ADK: variants seen among roughly 807,000 people sequenced by gnomAD.
ADK encodes the protein N6,N6-dimethyladenosine kinase.
A neutral mutation model predicts 44.7 loss-of-function variants in ADK; 24 were observed. The ratio of observed to expected loss-of-function variants is 0.54; its 90% confidence interval spans 0.39 to 0.76. ADK has a LOEUF of 0.76. Ranked by LOEUF, ADK falls within the 30% of genes least tolerant of loss-of-function variation. The probability of loss-of-function intolerance (pLI) is 0.00; values close to 1 mark genes in which losing one functional copy is unlikely to be tolerated. For missense variants in ADK, 321 were observed against 425.1 expected (o/e 0.76, Z 2.15); for synonymous variants, 128 against 142.6 (o/e 0.90, Z 0.73).
intron 6 of ADK, among the ~76,000 whole-genome samples, chr10:74,517,935 G>A (rs1391399743): frequency 6.6e-6 from 1 of 151,776 alleles, no homozygotes; most frequent in East Asian, 1.9e-4. Flanking sequence ...AATTATAAAT[G>A]ATTTATACAT....
At chr10:74,155,225 T>A (rs532049952) in intron 1 of ADK, among the ~76,000 whole-genome samples, 1 of 151,746 alleles carries the variant, frequency 6.6e-6, no homozygotes, top group African/African-American at 2.4e-5. Flanking sequence ...GGCTCACACC[T>A]ACATTCCAGC....
At chr10:74,600,321 ATAAAGTTTTGTTT>A in intron 8 of ADK, 45 bp from the exon 9 acceptor site, 1 of 1,074,882 alleles carries the variant, frequency 9.3e-7, no homozygotes, top group Non-Finnish European at 1.4e-6. Context: ...TAATCTACTA[ATAAAGTTTTGTTT>A]TATTTTATTG....
chr10:74,196,153 C>T (rs774402339), intron 1 of ADK, among the ~76,000 whole-genome samples: 1 of 152,086 alleles, frequency 6.6e-6, no homozygotes, highest in Non-Finnish European at 1.5e-5. Flanking sequence ...GCCACAACTT[C>T]TGCAACCAGT....
chr10:74,617,961 C>T (rs950119267), intron 9 of ADK, among the ~76,000 whole-genome samples: 3 of 152,174 alleles, frequency 2.0e-5, no homozygotes, highest in Admixed American at 1.3e-4. Context: ...CTTCCTGATG[C>T]ATTGAACCTT....
intron 1 of ADK, among the ~76,000 whole-genome samples, chr10:74,187,300 A>G (rs568990940): frequency 1.3e-5 from 2 of 152,318 alleles, no homozygotes; most frequent in South Asian, 4.1e-4. Context: ...TTATCCATTT[A>G]TCACTTGATA....
intron 9 of ADK, among the ~76,000 whole-genome samples, chr10:74,659,581 G>C (rs746999906): frequency 3.3e-5 from 5 of 152,072 alleles, no homozygotes; most frequent in Non-Finnish European, 7.4e-5. Context: ...TTCTCTAGAG[G>C]GATAGAACTA....
intron 1 of ADK, among the ~76,000 whole-genome samples, chr10:74,196,592 A>G (rs1206413878): frequency 6.6e-6 from 1 of 152,170 alleles, no homozygotes; most frequent in African/African-American, 2.4e-5. Flanking sequence ...TTTTATAATA[A>G]AAATGCATTA....
chr10:74,695,267 C>T (rs1856134610), intron 10 of ADK, among the ~76,000 whole-genome samples: 1 of 151,982 alleles, frequency 6.6e-6, no homozygotes, highest in Non-Finnish European at 1.5e-5. Context: ...TATCAGGTTC[C>T]CAAAAACATT....
At chr10:74,273,006 TAAG>T (rs984830525) in intron 3 of ADK, among the ~76,000 whole-genome samples, 1 of 152,126 alleles carries the variant, frequency 6.6e-6, no homozygotes, top group Admixed American at 6.5e-5. Flanking sequence ...GGGTGAATAA[TAAG>T]AGATGAGAGG....
chr10:74,438,080 G>C (rs1219010627), intron 6 of ADK, among the ~76,000 whole-genome samples: 1 of 152,044 alleles, frequency 6.6e-6, no homozygotes, highest in Non-Finnish European at 1.5e-5. Flanking sequence ...TCCTCCATGA[G>C]CTGTTGTCAT....
At position 74,525,414 on chromosome 10, in the gene ADK, T is replaced by C; in HGVS notation, c.714T>C (p.Phe238=). 2 of 1,612,592 alleles carry C rather than the reference T, an allele frequency of 1.2e-6. No homozygotes were observed. Among genetic ancestry groups the C allele is most frequent in the Non-Finnish European group, 1.7e-6 (2 of 1,179,588 alleles). The change falls in exon 7 of 11, where the codon TTT becomes TTC. Residue 238 remains phenylalanine (F), a synonymous_variant. Transcript: ENST00000539909. Reference sequence around the variant, plus strand: ...TTATGCCTTATGTTGATATACTTTTTGGAAATGAGACAGTGAGTTACCTTT... The same window carrying C: ...TTATGCCTTATGTTGATATACTTTTCGGAAATGAGACAGTGAGTTACCTTT... The part of the protein sequence containing the change: ...MKVMPYVDIL[F]GNETEAATFA...
At chr10:74,520,615 G>T (rs984325032) in intron 6 of ADK, among the ~76,000 whole-genome samples, 1 of 151,684 alleles carries the variant, frequency 6.6e-6, no homozygotes, top group African/African-American at 2.4e-5. Context: ...GAGCAAAAAG[G>T]GCAATTTTTT....
intron 3 of ADK, among the ~76,000 whole-genome samples, chr10:74,243,803 C>T (rs1041165121): frequency 6.6e-6 from 1 of 152,156 alleles, no homozygotes; most frequent in Non-Finnish European, 1.5e-5. Flanking sequence ...TCAGAGGTTG[C>T]AGTGAGCCAT....
At chr10:74,512,763 A>G (rs897853014) in intron 6 of ADK, among the ~76,000 whole-genome samples, 1 of 149,750 alleles carries the variant, frequency 6.7e-6, no homozygotes, top group African/African-American at 2.5e-5. Flanking sequence ...ATTTTTGTTT[A>G]TTTCTACACT....
chr10:74,377,434 T>C (rs1267995568), intron 4 of ADK, among the ~76,000 whole-genome samples: 1 of 152,162 alleles, frequency 6.6e-6, no homozygotes, highest in Non-Finnish European at 1.5e-5. Context: ...GTTACATGTA[T>C]GTATGATAAG....
At chr10:74,213,559 G>C (rs1843905476) in intron 2 of ADK, among the ~76,000 whole-genome samples, 1 of 152,188 alleles carries the variant, frequency 6.6e-6, no homozygotes, top group Middle Eastern at 3.4e-3. Context: ...AAAAGGAGTG[G>C]GCTGGAAGCT....
chr10:74,557,328 A>T (rs1162152711), intron 7 of ADK, among the ~76,000 whole-genome samples: 2 of 152,226 alleles, frequency 1.3e-5, no homozygotes, highest in East Asian at 3.8e-4. Context: ...GTTATAATTT[A>T]AAAACCATTT....
At chr10:74,531,986 C>A (rs1391641682) in intron 7 of ADK, among the ~76,000 whole-genome samples, 2 of 152,128 alleles carry the variant, frequency 1.3e-5, no homozygotes, top group Admixed American at 6.5e-5. Context: ...AAACTACAGA[C>A]CAATATCCCT....
intron 10 of ADK, among the ~76,000 whole-genome samples, chr10:74,692,410 C>T (rs1054192901): frequency 1.3e-4 from 20 of 151,988 alleles, no homozygotes; most frequent in South Asian, 2.1e-4. Context: ...ACCCAGGAGG[C>T]GAAGGTTGCA....
Sources: allele counts gnomAD v4.1 joint callset (sites outside exome capture counted in the v4.1 genomes callset), GRCh38; gene constraint gnomAD v4.1.1; transcripts MANE v1.5; gene names NCBI Gene and HGNC (gene_info 2026-07-23, HGNC 2026-07-21).